TMEM132C: variants seen among roughly 807,000 people sequenced by gnomAD.
TMEM132C encodes transmembrane protein 132C, also known as protein phosphatase 1, regulatory subunit 152.
TMEM132C carries 29 observed loss-of-function variants against 61.4 expected under a neutral mutation model. That is an observed-to-expected ratio of 0.47 (90% CI 0.35 to 0.64). The LOEUF (loss-of-function observed/expected upper bound fraction) is 0.64. Among genes scored for constraint, TMEM132C ranks in the 30% least tolerant of loss-of-function variants. The pLI, the probability that TMEM132C is intolerant of heterozygous loss-of-function variation, is 0.00. For synonymous variants in TMEM132C, 656 were observed against 633.1 expected (o/e 1.04, Z -0.54); for missense variants, 1,408 against 1,476.9 (o/e 0.95, Z 0.76).
intron 2 of TMEM132C, among the ~76,000 whole-genome samples, chr12:128,496,734 C>G (rs1871975938): frequency 6.6e-6 from 1 of 152,198 alleles, no homozygotes; most frequent in Non-Finnish European, 1.5e-5. Context: ...AGCCATTCAT[C>G]TAATCTTTTT....
intron 4 of TMEM132C, among the ~76,000 whole-genome samples, chr12:128,657,388 T>C (rs1050868357): frequency 6.6e-6 from 1 of 152,178 alleles, no homozygotes; most frequent in Non-Finnish European, 1.5e-5. Flanking sequence ...AAGCTCTTTT[T>C]CTTTACTTCA....
chr12:128,389,406 G>A (rs549582841), intron 1 of TMEM132C, among the ~76,000 whole-genome samples: 2 of 152,152 alleles, frequency 1.3e-5, no homozygotes, highest in Admixed American at 6.5e-5. Flanking sequence ...AGCTGCTTCC[G>A]CTGGGACGGT....
At chr12:128,537,768 CA>C (rs1385796910) in intron 2 of TMEM132C, among the ~76,000 whole-genome samples, 2 of 152,026 alleles carry the variant, frequency 1.3e-5, no homozygotes, top group Non-Finnish European at 2.9e-5. Flanking sequence ...AACTATACAC[CA>C]AAAAAGTTCA....
chr12:128,629,576 G>A (rs1001975562), intron 4 of TMEM132C, among the ~76,000 whole-genome samples: 3 of 152,188 alleles, frequency 2.0e-5, no homozygotes, highest in African/African-American at 7.2e-5. Context: ...TTGGGGAAGG[G>A]GAGATGGGGA....
intron 3 of TMEM132C, among the ~76,000 whole-genome samples, chr12:128,596,526 G>T (rs1158429085): frequency 6.8e-6 from 1 of 147,548 alleles, no homozygotes; most frequent in South Asian, 2.2e-4. Context: ...GTACAGAGGC[G>T]GCAGGGCTTC....
chr12:128,699,812 AAG>A (rs1954791576), intron 8 of TMEM132C, among the ~76,000 whole-genome samples: 1 of 152,164 alleles, frequency 6.6e-6, no homozygotes, highest in Admixed American at 6.5e-5. Context: ...CTGCCTAATG[AAG>A]AGAGAGTTGC....
intron 5 of TMEM132C, 108 bp from the exon 6 acceptor site, chr12:128,693,721 C>A: frequency 7.8e-7 from 1 of 1,278,888 alleles, no homozygotes; most frequent in Non-Finnish European, 1.1e-6. Context: ...TTAGGAGAAA[C>A]CAGAAATAAG....
intron 1 of TMEM132C, among the ~76,000 whole-genome samples, chr12:128,277,914 C>T (rs1246178850): frequency 6.6e-6 from 1 of 152,038 alleles, no homozygotes; most frequent in Non-Finnish European, 1.5e-5. Context: ...TTGTCTTGAC[C>T]TTCATTCATT....
Position 128,693,859 on chromosome 12 carries a change from A to G in TMEM132C, c.1480A>G (p.Asn494Asp). Residue 494 changes from asparagine (N) to aspartate (D), a missense_variant, in exon 6 of 9, where the codon AAT becomes GAT. Physicochemically the swap from Asn to Asp is conservative, Grantham distance 23 (BLOSUM62 1). Transcript: ENST00000435159. The stretch of plus-strand genomic sequence containing the variant: ...TGAGCGCTGTGACTACATCTTTGTC[A>G]ATGGCAAAGAGATCAAAGGAAAGAT... ...VSERCDYIFV[N>D]GKEIKGKMDA... 1 of 1,551,732 alleles carries G rather than the reference A, an allele frequency of 6.4e-7. No homozygotes were observed. The highest frequency in any genetic ancestry group is 1.4e-5 in the African/African-American group (1 of 73,162).
At chr12:128,677,585 C>A (rs1054881847) in intron 5 of TMEM132C, among the ~76,000 whole-genome samples, 6 of 152,070 alleles carry the variant, frequency 3.9e-5, no homozygotes, top group Non-Finnish European at 7.4e-5. Flanking sequence ...ATTTGGACAG[C>A]ACCCTATGTA....
chr12:128,547,825 C>T (rs974080386), intron 3 of TMEM132C, among the ~76,000 whole-genome samples: 2 of 152,106 alleles, frequency 1.3e-5, no homozygotes, highest in Non-Finnish European at 2.9e-5. Context: ...GAAGGTTTTA[C>T]GACCCCCTGC....
At chr12:128,558,366 T>A (rs1336766294) in intron 3 of TMEM132C, among the ~76,000 whole-genome samples, 1 of 152,172 alleles carries the variant, frequency 6.6e-6, no homozygotes, top group Non-Finnish European at 1.5e-5. Flanking sequence ...GCTGGGCTTT[T>A]CCCATGCTGT....
rs143677137 is a variant in TMEM132C at position 128,276,556 on chromosome 12, T to C, written c.85+9069T>C. On this transcript the variant is annotated intron_variant, in intron 1 of 8. Transcript: ENST00000435159. Reference sequence around the variant, plus strand: ...ACACGATCTTAAGCTTCCCTTCTCCTTCTGAGTTCTCAGAGTCATGAAAAC... The same window carrying C: ...ACACGATCTTAAGCTTCCCTTCTCCCTCTGAGTTCTCAGAGTCATGAAAAC... 5.7e-3 allele frequency among the ~76,000 whole-genome samples: 870 copies of C among 152,328 alleles called. 10 individuals are homozygous for C. The highest frequency in any genetic ancestry group is 0.02 in the African/African-American group (829 of 41,562).
intron 3 of TMEM132C, among the ~76,000 whole-genome samples, chr12:128,587,604 A>T (rs989760641): frequency 6.6e-6 from 1 of 152,242 alleles, no homozygotes; most frequent in Non-Finnish European, 1.5e-5. Context: ...TAAGCCAATC[A>T]AATCACAAAG....
At chr12:128,617,062 A>G (rs1294491468) in intron 4 of TMEM132C, among the ~76,000 whole-genome samples, 1 of 152,228 alleles carries the variant, frequency 6.6e-6, no homozygotes, top group African/African-American at 2.4e-5. Context: ...AAGTCTAGAA[A>G]AGTGTTTCTC....
intron 1 of TMEM132C, among the ~76,000 whole-genome samples, chr12:128,369,635 A>G (rs1172934008): frequency 1.3e-5 from 2 of 152,236 alleles, no homozygotes; most frequent in Non-Finnish European, 2.9e-5. Context: ...TCATTTGAAT[A>G]AAAGACTCCA....
intron 3 of TMEM132C, among the ~76,000 whole-genome samples, chr12:128,556,637 C>T (rs369465308): frequency 6.6e-6 from 1 of 152,144 alleles, no homozygotes; most frequent in Non-Finnish European, 1.5e-5. Context: ...CTGGTTGACT[C>T]ATAGTGCTGA....
At chr12:128,485,429 G>A (rs537418934) in intron 2 of TMEM132C, among the ~76,000 whole-genome samples, 123 of 152,192 alleles carry the variant, frequency 8.1e-4, no homozygotes, top group Middle Eastern at 6.8e-3. Flanking sequence ...CGCCCACCTC[G>A]GCCTCCCAAA....
intron 2 of TMEM132C, among the ~76,000 whole-genome samples, chr12:128,483,628 T>A (rs1402421929): frequency 6.6e-6 from 1 of 152,142 alleles, no homozygotes; most frequent in African/African-American, 2.4e-5. Context: ...TAGCAAACTT[T>A]GTACAGGTGT....
Sources: gnomAD v4.1 joint callset for allele counts (sites outside exome capture counted in the v4.1 genomes callset) on GRCh38, gnomAD v4.1.1 for gene constraint, MANE v1.5 for transcripts, NCBI Gene and HGNC (gene_info 2026-07-23, HGNC 2026-07-21) for gene names.